The following CALN1 variants were observed in gnomAD, a reference collection of about 807,000 sequenced individuals.
The protein encoded by CALN1 is calcium-binding protein 8.
CALN1 carries 17 observed loss-of-function variants against 30.6 expected under a neutral mutation model. That is an observed-to-expected ratio of 0.56 (90% CI 0.38 to 0.83). CALN1 has a LOEUF of 0.83. CALN1 is among the 40% of genes least tolerant of loss of function. The probability of loss-of-function intolerance (pLI) is 0.00; values close to 1 mark genes in which losing one functional copy is unlikely to be tolerated. For missense variants in CALN1, 291 were observed against 354.9 expected, an observed-to-expected ratio of 0.82 and a Z score of 1.45; for synonymous variants, 156 against 131.4, an observed-to-expected ratio of 1.19 and a Z score of -1.28.
intron 1 of CALN1, among the ~76,000 whole-genome samples, chr7:72,424,934 C>T (rs1807748910): frequency 6.6e-6 from 1 of 152,090 alleles, no homozygotes; most frequent in South Asian, 2.1e-4. Context: ...ACAGGACTCA[C>T]TCAAGCGGGT....
At chr7:72,217,936 A>G (rs1792963039) in intron 3 of CALN1, among the ~76,000 whole-genome samples, 1 of 128,618 alleles carries the variant, frequency 7.8e-6, no homozygotes, top group Non-Finnish European at 1.5e-5. Context: ...TCCACCTCCC[A>G]GCTTCACGCC....
intron 3 of CALN1, among the ~76,000 whole-genome samples, chr7:72,134,037 T>A (rs1038357759): frequency 6.6e-6 from 1 of 152,152 alleles, no homozygotes; most frequent in Non-Finnish European, 1.5e-5. Flanking sequence ...GGGGAAGTGG[T>A]TAAGTGATGA....
intron 2 of CALN1, among the ~76,000 whole-genome samples, chr7:72,327,117 A>G (rs1362638943): frequency 2.0e-5 from 3 of 152,208 alleles, no homozygotes; most frequent in East Asian, 1.9e-4. Context: ...CCCCAAGCCC[A>G]GTCTGTAGGA....
intron 4 of CALN1, among the ~76,000 whole-genome samples, chr7:72,054,418 C>CACGTATATATATAT (rs1563015234): frequency 8.1e-5 from 3 of 36,840 alleles, no homozygotes; most frequent in East Asian, 0.062. Flanking sequence ...TATATATATA[C>CACGTATATATATAT]GTGTATATAT....
intron 5 of CALN1, among the ~76,000 whole-genome samples, chr7:71,872,983 C>CTTT (rs1262570560): frequency 6.7e-6 from 1 of 148,834 alleles, no homozygotes; most frequent in African/African-American, 2.5e-5. Flanking sequence ...CATAGTTAAA[C>CTTT]ACACAAAGTT....
chr7:72,119,005 T>G (rs998361662), intron 3 of CALN1, among the ~76,000 whole-genome samples: 6 of 152,122 alleles, frequency 3.9e-5, no homozygotes, highest in African/African-American at 1.4e-4. Context: ...TTTAGTAAAA[T>G]AAAAATGATA....
At chr7:72,291,600 G>A (rs1265630172) in intron 2 of CALN1, among the ~76,000 whole-genome samples, 1 of 152,188 alleles carries the variant, frequency 6.6e-6, no homozygotes, top group Non-Finnish European at 1.5e-5. Context: ...CTCTTTTGTA[G>A]CCATTGATCT....
intron 2 of CALN1, among the ~76,000 whole-genome samples, chr7:72,339,323 G>T (rs1802275510): frequency 6.6e-6 from 1 of 152,072 alleles, no homozygotes; most frequent in African/African-American, 2.4e-5. Context: ...TTTCTTTGGG[G>T]TATATACTCA....
At chr7:71,867,365 G>C (rs1029231625) in intron 5 of CALN1, among the ~76,000 whole-genome samples, 90 of 152,220 alleles carry the variant, frequency 5.9e-4, no homozygotes, top group African/African-American at 2.1e-3. Flanking sequence ...ACCAGAATTT[G>C]ACCACATGTA....
intron 1 of CALN1, among the ~76,000 whole-genome samples, chr7:72,443,634 C>A (rs903791482): frequency 6.6e-6 from 1 of 151,818 alleles, no homozygotes; most frequent in African/African-American, 2.4e-5. Flanking sequence ...TTGAAAGAAG[C>A]CTTTCCCAAG....
intron 5 of CALN1, among the ~76,000 whole-genome samples, chr7:71,983,288 G>A (rs1018082279): frequency 6.6e-6 from 1 of 152,170 alleles, no homozygotes; most frequent in Non-Finnish European, 1.5e-5. Flanking sequence ...TGAACCTCAG[G>A]TATTTACCTC....
chr7:72,408,349 G>A (rs536830420), intron 1 of CALN1, among the ~76,000 whole-genome samples: 1 of 151,814 alleles, frequency 6.6e-6, no homozygotes, highest in Non-Finnish European at 1.5e-5. Flanking sequence ...GGTAAGGCAT[G>A]AAAGAGAATC....
At chr7:72,013,864 A>G (rs1584745560) in intron 5 of CALN1, among the ~76,000 whole-genome samples, 1 of 152,058 alleles carries the variant, frequency 6.6e-6, no homozygotes, top group Admixed American at 6.5e-5. Context: ...ATTTTCCTAC[A>G]TCTCTGACTG....
At chr7:72,323,751 T>C (rs1801071309) in intron 2 of CALN1, among the ~76,000 whole-genome samples, 1 of 151,904 alleles carries the variant, frequency 6.6e-6, no homozygotes, top group Non-Finnish European at 1.5e-5. Flanking sequence ...ACGATCATAA[T>C]TTGCAGTTTA....
At chr7:72,196,109 T>TCTTTC (rs1562720141) in intron 3 of CALN1, among the ~76,000 whole-genome samples, 1 of 151,866 alleles carries the variant, frequency 6.6e-6, no homozygotes, top group African/African-American at 2.4e-5. Context: ...ATTAAGTTTC[T>TCTTTC]TTTTCTTTTC....
chr7:72,194,781 G>A (rs2428279), intron 3 of CALN1, among the ~76,000 whole-genome samples: 1,538 of 151,756 alleles, frequency 0.01, 24 homozygotes, highest in African/African-American at 0.035. Flanking sequence ...TAGTAGAGAT[G>A]GGGTTTCACC....
intron 1 of CALN1, among the ~76,000 whole-genome samples, chr7:72,434,768 C>T (rs1333617950): frequency 6.6e-6 from 1 of 152,168 alleles, no homozygotes; most frequent in Non-Finnish European, 1.5e-5. Context: ...AAACATCATC[C>T]TCCAACTCCC....
intron 5 of CALN1, among the ~76,000 whole-genome samples, chr7:71,845,282 T>C (rs982046504): frequency 6.6e-6 from 1 of 152,234 alleles, no homozygotes; most frequent in Admixed American, 6.5e-5. Context: ...ATATGGAACA[T>C]CTATACTGAC....
intron 5 of CALN1, among the ~76,000 whole-genome samples, chr7:71,849,872 A>C (rs1016804235): frequency 6.6e-6 from 1 of 152,052 alleles, no homozygotes; most frequent in Non-Finnish European, 1.5e-5. Context: ...GCCTCAAGCA[A>C]TCCTCCCGCC....
Sources: allele counts gnomAD v4.1 joint callset (sites outside exome capture counted in the v4.1 genomes callset), GRCh38; gene constraint gnomAD v4.1.1; transcripts MANE v1.5; gene names NCBI Gene and HGNC (gene_info 2026-07-23, HGNC 2026-07-21).